The following ESRRG variants were observed in gnomAD, a reference collection of about 807,000 sequenced individuals.
ESRRG encodes the protein estrogen-related receptor gamma.
In ESRRG, 13 loss-of-function variants were observed where a neutral mutation model predicts 44.0. The observed-to-expected ratio is 0.30, with a 90% CI of 0.19 to 0.47. The LOEUF is 0.47. ESRRG is among the 20% of genes least tolerant of loss of function. The pLI, the probability that ESRRG is intolerant of heterozygous loss-of-function variation, is 1.00. For missense variants in ESRRG, 395 were observed against 580.6 expected, an observed-to-expected ratio of 0.68 and a Z score of 3.29; for synonymous variants, 215 against 214.6, an observed-to-expected ratio of 1.00 and a Z score of -0.02.
intron 2 of ESRRG, among the ~76,000 whole-genome samples, chr1:216,763,720 G>C (rs1296219343): frequency 1.3e-5 from 2 of 151,994 alleles, no homozygotes; most frequent in African/African-American, 2.4e-5. Flanking sequence ...GCAGTCACAT[G>C]AAGAGAGCAA....
chr1:216,515,799 T>G (rs2818957), intron 6 of ESRRG, among the ~76,000 whole-genome samples: 74,207 of 151,830 alleles, frequency 0.49, 19,381 homozygotes, highest in Non-Finnish European at 0.61. Flanking sequence ...AACAGAGAAT[T>G]GTCAGACTAA....
Position 216,548,485 on chromosome 1 carries a change from G to T in ESRRG, c.862+15734C>A, listed in dbSNP as rs540439274. 3.3e-5 allele frequency among the ~76,000 whole-genome samples: 5 copies of T among 152,156 alleles called. No individual in the cohort carries two copies. The East Asian group carries it at 5.8e-4, about 18-fold the overall frequency. On this transcript the variant is annotated intron_variant, in intron 5 of 6. Coordinates refer to ENST00000408911, the MANE Select transcript of ESRRG (RefSeq NM_001438.4). ...CAGATGAGGCAGAGGTCTTGAAAAT[G>T]GACTTGTTTAACCTATACTATAGGT...
chr1:216,827,343 A>C (rs1375137985), intron 2 of ESRRG, among the ~76,000 whole-genome samples: 3 of 152,158 alleles, frequency 2.0e-5, no homozygotes, highest in Non-Finnish European at 4.4e-5. Flanking sequence ...ATATATTCAA[A>C]TGTGATCCAT....
intron 1 of ESRRG, among the ~76,000 whole-genome samples, chr1:216,984,119 G>A (rs919761499): frequency 6.6e-6 from 1 of 152,122 alleles, no homozygotes; most frequent in African/African-American, 2.4e-5. Context: ...AACTTCCCAT[G>A]TGTAGAATTC....
At chr1:217,021,572 G>A (rs113000947) in intron 1 of ESRRG, among the ~76,000 whole-genome samples, 4 of 152,310 alleles carry the variant, frequency 2.6e-5, no homozygotes, top group Non-Finnish European at 5.9e-5. Flanking sequence ...TTGTTGCCAT[G>A]CTTAATTTAT....
At chr1:216,805,225 G>A (rs778523655) in intron 2 of ESRRG, 3 of 152,140 alleles carry the variant, frequency 2.0e-5, no homozygotes, top group African/African-American at 4.8e-5. Context: ...TTGGTGACAT[G>A]CAACTGCAGA....
chr1:216,867,998 G>A (rs2096197047), intron 2 of ESRRG, among the ~76,000 whole-genome samples: 1 of 151,148 alleles, frequency 6.6e-6, no homozygotes, highest in Non-Finnish European at 1.5e-5. Context: ...GTCATAAAAT[G>A]GGATACTACA....
intron 5 of ESRRG, among the ~76,000 whole-genome samples, chr1:216,549,378 T>C (rs1186109946): frequency 6.6e-6 from 1 of 151,998 alleles, no homozygotes; most frequent in Non-Finnish European, 1.5e-5. Flanking sequence ...ATTGATTGCA[T>C]TGAGATAATC....
intron 1 of ESRRG, among the ~76,000 whole-genome samples, chr1:216,721,137 G>A (rs1471815689): frequency 6.6e-6 from 1 of 152,116 alleles, no homozygotes; most frequent in Non-Finnish European, 1.5e-5. Flanking sequence ...TCTTTAATGT[G>A]CTGGCACATT....
chr1:216,972,584 G>A (rs2071917731), intron 1 of ESRRG, among the ~76,000 whole-genome samples: 1 of 152,158 alleles, frequency 6.6e-6, no homozygotes, highest in Non-Finnish European at 1.5e-5. Flanking sequence ...GACTGTCTGG[G>A]TCACTGACAT....
intron 1 of ESRRG, among the ~76,000 whole-genome samples, chr1:216,956,504 T>A (rs897713455): frequency 6.6e-6 from 1 of 152,200 alleles, no homozygotes; most frequent in African/African-American, 2.4e-5. Context: ...TTTTGATCAC[T>A]ATCGCTTTGT....
intron 1 of ESRRG, among the ~76,000 whole-genome samples, chr1:217,084,653 T>TA (rs566684687): frequency 1.3e-5 from 2 of 152,088 alleles, no homozygotes; most frequent in African/African-American, 4.8e-5. Flanking sequence ...TTGTCCAAGT[T>TA]AAAAAAAATT....
At chr1:216,914,383 T>C (rs2060870693) in intron 2 of ESRRG, among the ~76,000 whole-genome samples, 1 of 152,178 alleles carries the variant, frequency 6.6e-6, no homozygotes, top group African/African-American at 2.4e-5. Context: ...ACAAATGAAA[T>C]ACAATGTTAC....
chr1:216,851,933 A>T (rs1031618168), intron 2 of ESRRG, among the ~76,000 whole-genome samples: 1 of 152,188 alleles, frequency 6.6e-6, no homozygotes, highest in Non-Finnish European at 1.5e-5. Context: ...ACAAAAAAAA[A>T]ATCACCAAAT....
In ESRRG at chr1:216,516,666, CACAG is replaced by C. The variant is rs1167964053; in HGVS notation, c.1132+2482_1132+2485del. Among the ~76,000 whole-genome samples, 5 of 128,450 alleles carry C rather than the reference CACAG, an allele frequency of 3.9e-5. No homozygotes were observed. In the South Asian group the frequency reaches 8.9e-4, roughly 23 times the overall value. The allele number at this position is 128,450 out of a possible 152,430, so 84.3% of individuals were successfully genotyped here. A position where few individuals can be genotyped will look rare whatever the true frequency, so the allele number is the denominator to read the frequency against. On this transcript the variant is annotated intron_variant, in intron 6 of 6. Coordinates refer to ENST00000408911, the MANE Select transcript of ESRRG (RefSeq NM_001438.4). Reference sequence around the variant, plus strand: ...ACACACACACACACACACACACACACACAGAGAGAGAGAGAGAAACGACAAAAAA... The same window carrying C: ...ACACACACACACACACACACACACACAGAGAGAGAGAGAAACGACAAAAAA...
At chr1:216,847,445 AAG>A (rs1162418858) in intron 2 of ESRRG, among the ~76,000 whole-genome samples, 2 of 152,120 alleles carry the variant, frequency 1.3e-5, no homozygotes, top group African/African-American at 4.8e-5. Flanking sequence ...GTAGAAAGGA[AAG>A]GGATACATTT....
intron 2 of ESRRG, among the ~76,000 whole-genome samples, chr1:216,667,142 C>T (rs377577710): frequency 3.9e-5 from 6 of 152,176 alleles, no homozygotes; most frequent in South Asian, 2.1e-4. Flanking sequence ...CACGCTACTC[C>T]GTCCGAGGAC....
At chr1:216,942,338 A>C (rs1304215887) in intron 1 of ESRRG, among the ~76,000 whole-genome samples, 1 of 152,088 alleles carries the variant, frequency 6.6e-6, no homozygotes, top group Non-Finnish European at 1.5e-5. Flanking sequence ...GGTTGATTCC[A>C]TGTCTTTGCT....
intron 5 of ESRRG, among the ~76,000 whole-genome samples, chr1:216,526,664 C>T (rs1408370763): frequency 6.6e-6 from 1 of 152,178 alleles, no homozygotes; most frequent in Non-Finnish European, 1.5e-5. Context: ...AGGTGACCTT[C>T]TTATCTGTCA....
Sources: gnomAD v4.1 joint callset for allele counts (sites outside exome capture counted in the v4.1 genomes callset) on GRCh38, gnomAD v4.1.1 for gene constraint, MANE v1.5 for transcripts, NCBI Gene and HGNC (gene_info 2026-07-23, HGNC 2026-07-21) for gene names.